The following FAM199X variants were observed in gnomAD, a reference collection of about 807,000 sequenced individuals.
FAM199X encodes the protein protein FAM199X.
A neutral mutation model predicts 22.9 loss-of-function variants in FAM199X; 4 were observed. The ratio of observed to expected loss-of-function variants is 0.17; its 90% CI spans 0.09 to 0.40. The LOEUF is 0.40. Among genes scored for constraint, FAM199X ranks in the 10% least tolerant of loss-of-function variants. FAM199X has a pLI of 1.00. For synonymous variants in FAM199X, 101 were observed against 112.3 expected, an observed-to-expected ratio of 0.90 and a Z score of 0.64; for missense variants, 183 against 306.8, an observed-to-expected ratio of 0.60 and a Z score of 3.01.
At chrX:104,174,543 T>A (rs1233350885) in intron 1 of FAM199X, among the ~76,000 whole-genome samples, 1 of 111,222 alleles carries the variant, frequency 9.0e-6, no homozygotes, top group African/African-American at 3.3e-5. Context: ...TGATAAATAA[T>A]TATAAACAAT....
chrX:104,161,041 A>G, the FAM199X span, among the ~76,000 whole-genome samples: 2,171 of 111,080 alleles, frequency 0.02, 52 homozygotes, highest in African/African-American at 0.068. Context: ...TCCTTTTATT[A>G]TTTTTATTTA....
At chrX:104,185,785 A>G (rs1921788252) in intron 2 of FAM199X, among the ~76,000 whole-genome samples, 1 of 110,346 alleles carries the variant, frequency 9.1e-6, no homozygotes, top group South Asian at 3.9e-4. Context: ...TTGTATTTTT[A>G]GTAGAGACAG....
At chrX:104,163,985 T>TA (rs1297728599), upstream of FAM199X, among the ~76,000 whole-genome samples, 3 of 111,402 alleles carry the variant, frequency 2.7e-5, no homozygotes, top group Admixed American at 9.5e-5. Context: ...TCTTTTTTTT[T>TA]AAAAAAAATT....
Position 104,166,794 on chromosome X carries a change from C to G in FAM199X, c.9C>G (p.Asp3Glu). MS[D>E]EASAITSYEK... is the part of the protein sequence containing the mutation. ...CCAGGCCATCTCCAACCATGTCCGA[C>G]GAGGCCTCGGCCATCACTTCCTACG... Residue 3 changes from aspartate (D) to glutamate (E), a missense_variant, in exon 1 of 6, where the codon GAC becomes GAG. Coordinates refer to ENST00000493442, the MANE Select transcript of FAM199X (RefSeq NM_207318.4). The G allele has an allele frequency of 1.7e-6, 2 of 1,203,621 alleles. No homozygotes were observed. Among genetic ancestry groups the G allele is most frequent in the Non-Finnish European group, 2.2e-6 (2 of 891,737 alleles).
rs1922008567 is a variant in FAM199X at position 104,194,324 on chromosome X, A to T, written c.*4546A>T. The T allele has an allele frequency of 9.0e-6, 1 of 111,544 alleles. No individual in the cohort carries two copies. Among genetic ancestry groups the T allele is most frequent in the Admixed American group, 9.6e-5 (1 of 10,461 alleles). The allele number at this position is 111,544 out of a possible 1,213,427, so 9.2% of individuals were successfully genotyped here. ...TTGTGGTGAGGGATGGGGGTGAAAA[A>T]GGGGAGACTTGCTCTAATTATGCAT... On this transcript the variant is annotated 3_prime_UTR_variant, in exon 6 of 6. Transcript: ENST00000493442.
intron 2 of FAM199X, among the ~76,000 whole-genome samples, chrX:104,180,497 A>G (rs1890150500): frequency 9.0e-6 from 1 of 110,595 alleles, no homozygotes; most frequent in African/African-American, 3.3e-5. Context: ...TTCTTCACTC[A>G]TGTTATGAGT....
chrX:104,158,891 G>A, the FAM199X span, among the ~76,000 whole-genome samples: 1 of 111,726 alleles, frequency 9.0e-6, no homozygotes, highest in Admixed American at 9.5e-5. Context: ...TGGCATTTCA[G>A]AACCCATCAC....
At chrX:104,179,881 A>AG (rs1424778944) in intron 2 of FAM199X, among the ~76,000 whole-genome samples, 1 of 110,316 alleles carries the variant, frequency 9.1e-6, no homozygotes, top group East Asian at 2.9e-4. Context: ...TCTCATAAGG[A>AG]GGTAGGAAGT....
At chrX:104,175,533 T>C in intron 1 of FAM199X, 90 bp from the exon 2 acceptor site, 11 of 770,082 alleles carry the variant, frequency 1.4e-5, no homozygotes, top group Non-Finnish European at 2.1e-5. Context: ...ACATTCCTTA[T>C]AAATGTTATA....
chrX:104,186,697 G>A (rs1212841349), intron 4 of FAM199X, 76 bp downstream of exon 4: 5 of 936,621 alleles, frequency 5.3e-6, no homozygotes, highest in African/African-American at 2.0e-5. Context: ...AAATAATCAT[G>A]TGTAAATACA....
At chrX:104,180,168 A>G (rs1452149296) in intron 2 of FAM199X, among the ~76,000 whole-genome samples, 2 of 106,491 alleles carry the variant, frequency 1.9e-5, no homozygotes, top group South Asian at 8.4e-4. Context: ...TTTTGTAGAG[A>G]CGGGGTCTCA....
intron 5 of FAM199X, among the ~76,000 whole-genome samples, chrX:104,188,849 A>T (rs782117382): frequency 3.6e-5 from 4 of 111,500 alleles, no homozygotes; most frequent in Non-Finnish European, 7.5e-5. Context: ...TATATTTAGA[A>T]TGGTCCTGTG....
intron 2 of FAM199X, among the ~76,000 whole-genome samples, chrX:104,178,474 T>G (rs1921551322): frequency 9.0e-6 from 1 of 110,954 alleles, no homozygotes; most frequent in Admixed American, 9.6e-5. Flanking sequence ...AAGAACAGAG[T>G]CTCACTATGT....
chrX:104,167,712 A>T lies in FAM199X; in HGVS notation c.197+730A>T, dbSNP rs1921249379. Among the ~76,000 whole-genome samples, 4 of 111,316 alleles carry T rather than the reference A, an allele frequency of 3.6e-5. No homozygotes were observed. The South Asian group carries it at 1.5e-3, about 43-fold the overall frequency. On this transcript the variant is annotated intron_variant, in intron 1 of 5. Coordinates refer to ENST00000493442, the MANE Select transcript of FAM199X (RefSeq NM_207318.4). ...AGTAAGGCTTAGGATGGACTGACTTACACAAATTTATTCAGAGGGTGTATC... is the reference window on the plus strand; with the variant it reads ...AGTAAGGCTTAGGATGGACTGACTTTCACAAATTTATTCAGAGGGTGTATC...
rs782148249 is a variant in FAM199X, at chrX:104,166,802, C to T, written c.17C>T (p.Ser6Leu). The stretch of plus-strand genomic sequence containing the variant: ...TCTCCAACCATGTCCGACGAGGCCT[C>T]GGCCATCACTTCCTACGAGAAGTTT... The part of the protein sequence containing the change: MSDEA[S>L]AITSYEKFLT... The change falls in exon 1 of 6, where the codon TCG becomes TTG. Residue 6 changes from serine (S) to leucine (L), a missense_variant. Transcript: ENST00000493442. The T allele has an allele frequency of 1.2e-5, 14 of 1,204,799 alleles. No individual in the cohort carries two copies. Among genetic ancestry groups the T allele is most frequent in the East Asian group, 3.0e-5 (1 of 33,299 alleles).
In FAM199X at chrX:104,166,524, TGA is replaced by T. The variant is rs1921194081; in HGVS notation, c.-260_-259del. 1 of 221,961 alleles carries T rather than the reference TGA, an allele frequency of 4.5e-6. No individual in the cohort carries two copies. Among genetic ancestry groups the T allele is most frequent in the African/African-American group, 2.9e-5 (1 of 34,348 alleles). The allele number at this position is 221,961 out of a possible 1,213,427, so 18.3% of individuals were successfully genotyped here. On this transcript the variant is annotated 5_prime_UTR_variant, in exon 1 of 6. Transcript: ENST00000493442. Reference sequence around the variant, plus strand: ...GGGCGGCGGCGCTGCGCTGACGGGCTGAGTCTGGCGGCGGCGGAAGCTGCAGA... The same window carrying T: ...GGGCGGCGGCGCTGCGCTGACGGGCTGTCTGGCGGCGGCGGAAGCTGCAGA...
At position 104,169,212 on chromosome X, in the gene FAM199X, C is replaced by G. The variant is rs139892923; in HGVS notation, c.197+2230C>G. Among the ~76,000 whole-genome samples the G allele has an allele frequency of 2.9e-3, 329 of 111,882 alleles. 1 individual carries two copies. Among genetic ancestry groups the G allele is most frequent in the African/African-American group, 0.01 (319 of 30,814 alleles). ...TTTTATTTTGGAGTTGTATGTGTCACTTTTTTCCTTCACATCACATCATTT... is the reference window on the plus strand; with the variant it reads ...TTTTATTTTGGAGTTGTATGTGTCAGTTTTTTCCTTCACATCACATCATTT... On this transcript the variant is annotated intron_variant, in intron 1 of 5. Transcript: ENST00000493442.
At chrX:104,186,746 T>A in intron 4 of FAM199X, 125 bp downstream of exon 4, 1 of 602,599 alleles carries the variant, frequency 1.7e-6, no homozygotes, top group Admixed American at 4.3e-5. Flanking sequence ...CGAAAGGTAA[T>A]ATTAGAAAAA....
rs1201750520 is a variant in FAM199X at position 104,193,968 on chromosome X, G to A, written c.*4190G>A. 1 of 111,567 alleles carries A rather than the reference G, an allele frequency of 9.0e-6. No individual in the cohort carries two copies. Among genetic ancestry groups the A allele is most frequent in the African/African-American group, 3.2e-5 (1 of 30,819 alleles). The allele number at this position is 111,567 out of a possible 1,213,427, so 9.2% of individuals were successfully genotyped here. On this transcript the variant is annotated 3_prime_UTR_variant, in exon 6 of 6. Coordinates refer to ENST00000493442, the MANE Select transcript of FAM199X (RefSeq NM_207318.4). Reference sequence around the variant, plus strand: ...TTCCAGAAGCCTTAGAAGGAATTCTGAAAATTCTTCTAACTGGCCATTAAG... The same window carrying A: ...TTCCAGAAGCCTTAGAAGGAATTCTAAAAATTCTTCTAACTGGCCATTAAG...
Sources: allele counts gnomAD v4.1 joint callset (sites outside exome capture counted in the v4.1 genomes callset), GRCh38; gene constraint gnomAD v4.1.1; transcripts MANE v1.5; gene names NCBI Gene and HGNC (gene_info 2026-07-23, HGNC 2026-07-21).